The following KCNB2 variants were observed in gnomAD, a reference collection of about 807,000 sequenced individuals.
The protein encoded by KCNB2 is potassium voltage-gated channel subfamily B member 2.
KCNB2 carries 15 observed loss-of-function variants against 61.5 expected under a neutral mutation model. The observed-to-expected ratio is 0.24, with a 90% CI of 0.16 to 0.38. The LOEUF (loss-of-function observed/expected upper bound fraction) is 0.38, where lower values mean the gene tolerates loss of function less well. Among genes scored for constraint, KCNB2 ranks in the 10% least tolerant of loss-of-function variants. KCNB2 has a pLI of 1.00. For missense variants in KCNB2, 828 were observed against 1,125.2 expected (o/e 0.74, Z 3.78); for synonymous variants, 457 against 446.0 (o/e 1.02, Z -0.31).
Position 72,609,955 on chromosome 8 carries a change from A to G in KCNB2, c.579+41642A>G, listed in dbSNP as rs2128983244. Among the ~76,000 whole-genome samples, 5 of 152,340 alleles carry G rather than the reference A, an allele frequency of 3.3e-5. 1 individual carries two copies. The South Asian group carries it at 1.0e-3, about 32-fold the overall frequency. ...TTCACAGCTCTCCCTGGAGTTGTAC[A>G]AACTGTGGCTCTGGCTGTCTTCTTT... is the stretch of plus-strand genomic sequence containing the variant. On this transcript the variant is annotated intron_variant, in intron 2 of 2. Transcript: ENST00000523207.
At chr8:72,675,868 T>G (rs1806645732) in intron 2 of KCNB2, among the ~76,000 whole-genome samples, 1 of 152,096 alleles carries the variant, frequency 6.6e-6, no homozygotes, top group Non-Finnish European at 1.5e-5. Context: ...CTGATTTTTG[T>G]TTATGGAATG....
At position 72,937,495 on chromosome 8, in the gene KCNB2, T is replaced by C; in HGVS notation, c.2140T>C (p.Ser714Pro). 6.2e-7 allele frequency: 1 copy of C among 1,613,424 alleles called. No individual in the cohort carries two copies. Among genetic ancestry groups the C allele is most frequent in the Middle Eastern group, 1.7e-4 (1 of 6,060 alleles). ...AGGCAGCAACCCACTAAAGTCCAGA[T>C]CCCTCAAAGTGAACTTTAAGGAAAA... Reference protein sequence around the residue: ...LKGSNPLKSRSLKVNFKENRG... With the variant: ...LKGSNPLKSRPLKVNFKENRG... Residue 714 changes from serine to proline, a missense_variant, in exon 3 of 3, where the codon TCC (serine) becomes CCC (proline). Physicochemically the swap from Ser to Pro is moderately conservative, Grantham distance 74 (BLOSUM62 -1). Coordinates refer to ENST00000523207, the MANE Select transcript of KCNB2 (RefSeq NM_004770.3).
chr8:72,660,721 A>G (rs1054266778), intron 2 of KCNB2: 1 of 152,132 alleles, frequency 6.6e-6, no homozygotes, highest in African/African-American at 2.4e-5. Context: ...TTTGGCTTGT[A>G]TTTTATACAT....
chr8:72,859,707 G>GTTTTTTTT (rs1187550622), intron 2 of KCNB2, among the ~76,000 whole-genome samples: 5 of 42,028 alleles, frequency 1.2e-4, no homozygotes, highest in East Asian at 1.2e-3. Context: ...ACTTCATTTC[G>GTTTTTTTT]TTTTTTTTTT....
At chr8:72,821,208 C>T (rs985003903) in intron 2 of KCNB2, among the ~76,000 whole-genome samples, 4 of 152,144 alleles carry the variant, frequency 2.6e-5, no homozygotes, top group Non-Finnish European at 2.9e-5. Context: ...TTCATATGCC[C>T]ATCAGGCATC....
At chr8:72,740,779 A>G (rs949236322) in intron 2 of KCNB2, among the ~76,000 whole-genome samples, 1 of 152,190 alleles carries the variant, frequency 6.6e-6, no homozygotes, top group African/African-American at 2.4e-5. Context: ...ATATTTGTCA[A>G]TTCTTCCAAC....
At chr8:72,851,262 G>T (rs1212001454) in intron 2 of KCNB2, among the ~76,000 whole-genome samples, 1 of 152,284 alleles carries the variant, frequency 6.6e-6, no homozygotes, top group Non-Finnish European at 1.5e-5. Flanking sequence ...TCTGTGTGCT[G>T]AGCCTGAGGC....
intron 2 of KCNB2, among the ~76,000 whole-genome samples, chr8:72,892,508 G>A (rs574768566): frequency 1.3e-5 from 2 of 152,192 alleles, no homozygotes; most frequent in African/African-American, 4.8e-5. Context: ...CTAGGCATCC[G>A]GCACATGCCA....
chr8:72,779,579 C>T (rs1259529368), intron 2 of KCNB2, among the ~76,000 whole-genome samples: 1 of 152,172 alleles, frequency 6.6e-6, no homozygotes, highest in Non-Finnish European at 1.5e-5. Context: ...AATTCTGATC[C>T]TATTAATTTT....
chr8:72,828,734 G>T (rs955524550), intron 2 of KCNB2, among the ~76,000 whole-genome samples: 1 of 152,046 alleles, frequency 6.6e-6, no homozygotes, highest in Non-Finnish European at 1.5e-5. Context: ...CTATAATCAC[G>T]CGTTCTTTAA....
At chr8:72,675,237 G>T (rs1267561011) in intron 2 of KCNB2, among the ~76,000 whole-genome samples, 1 of 152,122 alleles carries the variant, frequency 6.6e-6, no homozygotes, top group African/African-American at 2.4e-5. Flanking sequence ...TTTAATCAAA[G>T]CTTTTATGTT....
Position 72,545,354 on chromosome 8 carries a change from C to T in KCNB2, c.-94+7469C>T, listed in dbSNP as rs527783681. Among the ~76,000 whole-genome samples, 47 of 152,266 alleles carry T rather than the reference C, an allele frequency of 3.1e-4. 1 individual carries two copies. The highest frequency in any genetic ancestry group is 1.1e-3 in the African/African-American group (47 of 41,544). On this transcript the variant is annotated intron_variant, in intron 1 of 2. Coordinates refer to ENST00000523207, the MANE Select transcript of KCNB2 (RefSeq NM_004770.3). Reference sequence around the variant, plus strand: ...GAAGGTTTGTGGCAACCCTGCATCACGCAAGTCTGTCAGTGCCGTTTTTCC... The same window carrying T: ...GAAGGTTTGTGGCAACCCTGCATCATGCAAGTCTGTCAGTGCCGTTTTTCC...
intron 2 of KCNB2, among the ~76,000 whole-genome samples, chr8:72,651,440 G>A (rs1430063605): frequency 6.6e-6 from 1 of 152,084 alleles, no homozygotes; most frequent in African/African-American, 2.4e-5. Context: ...TTATGAATTT[G>A]AAGTACTTAC....
intron 2 of KCNB2, among the ~76,000 whole-genome samples, chr8:72,636,045 C>T (rs1805960356): frequency 1.3e-5 from 2 of 152,154 alleles, no homozygotes; most frequent in Admixed American, 1.3e-4. Context: ...TAGAACGGTG[C>T]ATGGCATTTA....
chr8:72,651,037 C>G (rs763932294), intron 2 of KCNB2, among the ~76,000 whole-genome samples: 1 of 152,082 alleles, frequency 6.6e-6, no homozygotes, highest in Non-Finnish European at 1.5e-5. Flanking sequence ...ATTACCATGT[C>G]GCAAGGCTGT....
chr8:72,600,499 C>A (rs532722262), intron 2 of KCNB2, among the ~76,000 whole-genome samples: 1 of 151,398 alleles, frequency 6.6e-6, no homozygotes, highest in Non-Finnish European at 1.5e-5. Flanking sequence ...TGCTAAATGA[C>A]GAGTTAATGG....
At chr8:72,904,099 C>CT (rs1399711236) in intron 2 of KCNB2, among the ~76,000 whole-genome samples, 2 of 152,072 alleles carry the variant, frequency 1.3e-5, no homozygotes, top group East Asian at 3.9e-4. Flanking sequence ...TTTATACCAT[C>CT]TTTTTTCTAT....
chr8:72,838,917 T>C (rs773056337), intron 2 of KCNB2, among the ~76,000 whole-genome samples: 9 of 152,224 alleles, frequency 5.9e-5, no homozygotes, highest in Non-Finnish European at 1.2e-4. Context: ...TATTTGCTTA[T>C]TGTAATTTCT....
In KCNB2 at chr8:72,643,929, C is replaced by A. The variant is rs1806091614; in HGVS notation, c.579+75616C>A. ...TTAAACTTTTCTAGAATGTTCCCAG[C>A]AGTTTGAAATTGGTTTAAATGAGGC... On this transcript the variant is annotated intron_variant, in intron 2 of 2. Transcript: ENST00000523207. Among the ~76,000 whole-genome samples, 5 of 152,206 alleles carry A rather than the reference C, an allele frequency of 3.3e-5. No homozygotes were observed. In the South Asian group the frequency reaches 1.0e-3, roughly 32 times the overall value.
Sources: allele counts gnomAD v4.1 joint callset (sites outside exome capture counted in the v4.1 genomes callset), GRCh38; gene constraint gnomAD v4.1.1; transcripts MANE v1.5; gene names NCBI Gene and HGNC (gene_info 2026-07-23, HGNC 2026-07-21).